The following ATG16L2 variants were observed in gnomAD, a reference collection of about 807,000 sequenced individuals.
ATG16L2 encodes autophagy related 16 like 2.
A neutral mutation model predicts 84.7 loss-of-function variants in ATG16L2; 77 were observed. That is an observed-to-expected ratio of 0.91 (90% CI 0.76 to 1.10). The LOEUF (loss-of-function observed/expected upper bound fraction) is 1.10. Ranked by LOEUF, ATG16L2 falls within the 50% of genes least tolerant of loss-of-function variation. The pLI is 0.00. For missense variants in ATG16L2, 782 were observed against 817.6 expected, an observed-to-expected ratio of 0.96 and a Z score of 0.53; for synonymous variants, 361 against 342.8, an observed-to-expected ratio of 1.05 and a Z score of -0.59.
chr11:72,839,442 G>C (rs1434974408), intron 5 of ATG16L2, among the ~76,000 whole-genome samples: 1 of 152,214 alleles, frequency 6.6e-6, no homozygotes, highest in African/African-American at 2.4e-5. Context: ...AAGAGTCCAA[G>C]TAAGAAGGCA....
chr11:72,832,859 T>C (rs993002356), downstream of ATG16L2, among the ~76,000 whole-genome samples: 8 of 152,216 alleles, frequency 5.3e-5, no homozygotes, highest in African/African-American at 1.9e-4. Flanking sequence ...CAGTTCTGTC[T>C]TCCTGGGAGA....
exon 6 of ATG16L2, chr11:72,843,039 A>G: frequency 9.3e-7 from 1 of 1,074,746 alleles, no homozygotes; most frequent in East Asian, 2.5e-5. Flanking sequence ...AGAAAAGCAT[A>G]TTATAGGACA....
At chr11:72,832,441 G>A (rs553751386), downstream of ATG16L2, among the ~76,000 whole-genome samples, 4 of 152,164 alleles carry the variant, frequency 2.6e-5, no homozygotes, top group Non-Finnish European at 4.4e-5. Context: ...AGGAGTTCCC[G>A]GGAATGAGGT....
At chr11:72,842,125 G>C (rs1307331219) in intron 5 of ATG16L2, among the ~76,000 whole-genome samples, 1 of 152,170 alleles carries the variant, frequency 6.6e-6, no homozygotes, top group Non-Finnish European at 1.5e-5. Context: ...TCCTTTAAAG[G>C]CTGTTTCCCT....
chr11:72,826,367 CA>C, intron 11 of ATG16L2, 124 bp downstream of exon 11: 2 of 1,422,830 alleles, frequency 1.4e-6, no homozygotes, highest in Non-Finnish European at 1.9e-6. Context: ...TGGGCTCTTA[CA>C]CAGATCCTCC....
intron 1 of ATG16L2, 56 bp downstream of exon 1, chr11:72,814,619 C>CG (rs1859598342): frequency 1.4e-6 from 2 of 1,436,652 alleles, no homozygotes; most frequent in Admixed American, 4.1e-5. Flanking sequence ...GCTACGGGCG[C>CG]GGGGAGAGGG....
At chr11:72,843,064 C>T in exon 6 of ATG16L2, 1 of 1,325,674 alleles carries the variant, frequency 7.5e-7, no homozygotes, top group South Asian at 1.3e-5. Flanking sequence ...GAAAGTTGTG[C>T]TTTTTATCCT....
intron 5 of ATG16L2, among the ~76,000 whole-genome samples, chr11:72,836,528 C>T (rs1180847019): frequency 5.3e-5 from 8 of 152,082 alleles, no homozygotes; most frequent in African/African-American, 1.7e-4. Context: ...AAGCAAAGAC[C>T]GTAACCTATT....
At chr11:72,820,665 AC>A (rs925507704) in intron 3 of ATG16L2, among the ~76,000 whole-genome samples, 4 of 152,278 alleles carry the variant, frequency 2.6e-5, no homozygotes, top group African/African-American at 9.6e-5. Flanking sequence ...GGCAGCGCCA[AC>A]CGTGCTCCTC....
chr11:72,829,342 C>T lies in ATG16L2; in HGVS notation c.1812C>T (p.Ser604=), dbSNP rs1234408681. The change falls in exon 18 of 18, where the codon AGC becomes AGT. Residue 604 remains serine (S), a synonymous_variant. Coordinates refer to ENST00000321297, the MANE Select transcript of ATG16L2 (RefSeq NM_033388.2). ...VNAVAWCYSG[S]HMVSVDQGRK... The stretch of plus-strand genomic sequence containing the variant: ...CCGTGGCCTGGTGCTACTCCGGGAG[C>T]CACATGGTGAGCGTGGACCAGGGCA... 6.2e-7 allele frequency: 1 copy of T among 1,612,986 alleles called. No individual in the cohort carries two copies. Among genetic ancestry groups the T allele is most frequent in the Non-Finnish European group, 8.5e-7 (1 of 1,179,890 alleles).
intron 11 of ATG16L2, 53 bp from the exon 12 acceptor site, chr11:72,826,465 G>A (rs1015038879): frequency 1.1e-5 from 18 of 1,607,230 alleles, no homozygotes; most frequent in East Asian, 6.7e-5. Flanking sequence ...TCTGTGGCCC[G>A]AAGAATGTTG....
chr11:72,831,291 G>A (rs1361675966), downstream of ATG16L2, among the ~76,000 whole-genome samples: 1 of 152,232 alleles, frequency 6.6e-6, no homozygotes, highest in Non-Finnish European at 1.5e-5. Flanking sequence ...CAGATCACCT[G>A]AGGTCAAGAG....
At chr11:72,825,603 C>T (rs564389647) in intron 10 of ATG16L2, among the ~76,000 whole-genome samples, 196 bp downstream of exon 10, 11 of 152,272 alleles carry the variant, frequency 7.2e-5, no homozygotes, top group East Asian at 3.9e-4. Context: ...AGCCTCCTGG[C>T]TCCTAGGGTC....
chr11:72,817,770 T>C lies in ATG16L2; in HGVS notation c.233T>C (p.Leu78Pro). 2 of 1,613,694 alleles carry C rather than the reference T, an allele frequency of 1.2e-6. 1 individual carries two copies. Among genetic ancestry groups the C allele is most frequent in the South Asian group, 2.2e-5 (2 of 91,060 alleles). ...THQGPWEESE[L>P]DSDQVPSLVA... Reference sequence around the variant, plus strand: ...TTGGTTGGCAGGGAGGAGTCAGAGCTTGACTCAGACCAAGTCCCATCACTG... The same window carrying C: ...TTGGTTGGCAGGGAGGAGTCAGAGCCTGACTCAGACCAAGTCCCATCACTG... The change falls in exon 3 of 18, where the codon CTT (leucine) becomes CCT (proline). Residue 78 changes from leucine (L) to proline (P), a missense_variant. Physicochemically the swap from Leu to Pro is moderately conservative, Grantham distance 98. Coordinates refer to ENST00000321297, the MANE Select transcript of ATG16L2 (RefSeq NM_033388.2).
rs760724944 is a variant in ATG16L2 at position 72,828,217 on chromosome 11, C to T, written c.1473-142C>T. 84 of 852,286 alleles carry T rather than the reference C, an allele frequency of 9.9e-5. 2 individuals carry two copies. In the Admixed American group the frequency reaches 1.4e-3, roughly 15 times the overall value. The allele number at this position is 852,286 out of a possible 1,614,324, so 52.8% of individuals were successfully genotyped here. The stretch of plus-strand genomic sequence containing the variant: ...GTGGGGAGAAGGGAGATGAGTCACT[C>T]GCAGCCTTTACCCCAGCGATCCAGG... On this transcript the variant is annotated intron_variant, in intron 14 of 17. Coordinates refer to ENST00000321297, the MANE Select transcript of ATG16L2 (RefSeq NM_033388.2).
In ATG16L2 at chr11:72,825,402, TG is replaced by T; in HGVS notation, c.1100del (p.Gly367GlufsTer30). The T allele has an allele frequency of 6.2e-7, 1 of 1,611,722 alleles. No homozygotes were observed. The highest frequency in any genetic ancestry group is 8.5e-7 in the Non-Finnish European group (1 of 1,179,886). On this transcript the variant is annotated frameshift_variant, in exon 10 of 18. Transcript: ENST00000321297. LOFTEE classifies it high-confidence loss of function. ...CGCCTGATCCACCTCTGGAATGTTG[TG>T]GGAAGTAAGGAGCCCTCCCCTGCCG... ...ADRLIHLWNVVGSRLEANQTL... is the reference protein window; with the variant it reads ...ADRLIHLWNVXGSRLEANQTL...
chr11:72,826,682 G>A (rs775919368), intron 12 of ATG16L2, 21 bp from the exon 13 acceptor site: 3 of 1,614,100 alleles, frequency 1.9e-6, no homozygotes, highest in East Asian at 2.2e-5. Flanking sequence ...CTCTTGATCC[G>A]TACCTGGGGC....
intron 3 of ATG16L2, chr11:72,818,697 C>T (rs1025880480): frequency 1.3e-5 from 2 of 152,140 alleles, no homozygotes; most frequent in African/African-American, 4.8e-5. Context: ...GGATTTGAGC[C>T]CTTCTCACAC....
At chr11:72,823,915 T>C (rs1860171678) in intron 7 of ATG16L2, 145 bp from the exon 8 acceptor site, 1 of 909,622 alleles carries the variant, frequency 1.1e-6, no homozygotes, top group African/African-American at 1.6e-5. Context: ...CACCCTGGTC[T>C]CCTGATCTTG....
Sources: gnomAD v4.1 joint callset for allele counts (sites outside exome capture counted in the v4.1 genomes callset) on GRCh38, gnomAD v4.1.1 for gene constraint, MANE v1.5 for transcripts, NCBI Gene and HGNC (gene_info 2026-07-23, HGNC 2026-07-21) for gene names.